Variants in GIN1 observed in about 807,000 individuals in gnomAD.
GIN1 encodes the protein gypsy retrotransposon integrase 1, also known as gypsy retrotransposon integrase-like protein 1.
A neutral mutation model predicts 51.4 loss-of-function variants in GIN1; 41 were observed. That is an observed-to-expected ratio of 0.80 (90% CI 0.62 to 1.04). The LOEUF is 1.04. Among genes scored for constraint, GIN1 ranks in the 50% least tolerant of loss-of-function variants. The pLI is 0.00. For synonymous variants in GIN1, 222 were observed against 206.5 expected (o/e 1.07, Z -0.64); for missense variants, 610 against 612.4 (o/e 1.00, Z 0.04).
rs1366909171 is a variant in GIN1 at position 103,087,986 on chromosome 5, G to C, written c.1481C>G (p.Ser494Cys). 2 of 1,597,306 alleles carry C rather than the reference G, an allele frequency of 1.3e-6. No homozygotes were observed. The highest frequency in any genetic ancestry group is 2.7e-5 in the African/African-American group (2 of 74,560). ...AGAACTATGATCGTCTATCAATGGA[G>C]AGATTTTCGTATTTCTATATTCTAA... is the stretch of plus-strand genomic sequence containing the variant. ...ELLEYRNTKI[S>C]PLIDDHSSLE... Residue 494 changes from serine (S) to cysteine (C), a missense_variant, in exon 8 of 8, where the codon TCT becomes TGT. Physicochemically the swap from Ser to Cys is moderately radical, Grantham distance 112. Coordinates refer to ENST00000399004, the MANE Select transcript of GIN1 (RefSeq NM_017676.2).
chr5:103,114,087 TA>T (rs201056479), intron 1 of GIN1, among the ~76,000 whole-genome samples: 26 of 151,546 alleles, frequency 1.7e-4, no homozygotes, highest in African/African-American at 5.6e-4. Context: ...AATGAACTTT[TA>T]TTGCTATTTC....
intron 7 of GIN1, among the ~76,000 whole-genome samples, chr5:103,094,903 T>C (rs561843354): frequency 3.9e-5 from 6 of 152,322 alleles, no homozygotes; most frequent in African/African-American, 1.4e-4. Flanking sequence ...GATTAGAATG[T>C]AGTTCAAGAT....
rs1305593136 is a variant in GIN1 at position 103,104,655 on chromosome 5, C to A, written c.525G>T (p.Leu175Phe). The A allele has an allele frequency of 3.1e-6, 5 of 1,609,658 alleles. No homozygotes were observed. The African/African-American group carries it at 4.0e-5, about 13-fold the overall frequency. Residue 175 changes from leucine to phenylalanine, a missense_variant, in exon 4 of 8, where the codon TTG becomes TTT. Transcript: ENST00000399004. ...CTGATGCTGAAACATCACATAGAGG[C>A]AAAATCACAATCCATTTGGTGAACA... ...TDLFTKWIVI[L>F]PLCDVSASEV...
intron 7 of GIN1, among the ~76,000 whole-genome samples, chr5:103,090,900 AACACACAC>A (rs3836842): frequency 2.0e-5 from 3 of 148,356 alleles, no homozygotes; most frequent in Non-Finnish European, 4.5e-5. Context: ...GTCACACACG[AACACACAC>A]ACACACACAC....
Position 103,088,854 on chromosome 5 carries a change from T to C in GIN1, c.1295-682A>G, listed in dbSNP as rs188693885. 3.3e-5 allele frequency among the ~76,000 whole-genome samples: 5 copies of C among 152,336 alleles called. No homozygotes were observed. In the East Asian group the frequency reaches 5.8e-4, roughly 18 times the overall value. ...ATCCTTAATATGCTTCTGTAAAGCATTTCTGGGTGAATTAATAGGGTCATA... is the reference window on the plus strand; with the variant it reads ...ATCCTTAATATGCTTCTGTAAAGCACTTCTGGGTGAATTAATAGGGTCATA... On this transcript the variant is annotated intron_variant, in intron 7 of 7. Transcript: ENST00000399004.
chr5:103,091,674 G>GT (rs1554194552), intron 7 of GIN1, among the ~76,000 whole-genome samples: 83 of 152,058 alleles, frequency 5.5e-4, no homozygotes, highest in African/African-American at 2.0e-3. Context: ...TTCTAATGTA[G>GT]GTTTTTTTTT....
chr5:103,098,488 T>TG (rs1309234750), intron 4 of GIN1, among the ~76,000 whole-genome samples: 2 of 152,082 alleles, frequency 1.3e-5, no homozygotes, highest in African/African-American at 4.8e-5. Flanking sequence ...TTTTTTTTGG[T>TG]GGGGGGCGGT....
At chr5:103,119,423 G>T (rs1056783989) in intron 1 of GIN1, among the ~76,000 whole-genome samples, 4 of 152,044 alleles carry the variant, frequency 2.6e-5, no homozygotes, top group Non-Finnish European at 4.4e-5. Context: ...CAAATTCATT[G>T]AACAAAAAAA....
intron 2 of GIN1, among the ~76,000 whole-genome samples, chr5:103,107,375 T>A (rs1306012966): frequency 6.6e-6 from 1 of 152,124 alleles, no homozygotes; most frequent in African/African-American, 2.4e-5. Context: ...GCTTCTTCTA[T>A]ATTTGAGAAG....
chr5:103,096,817 T>A lies in GIN1; in HGVS notation c.1018A>T (p.Asn340Tyr). ...KTTSLGQMENNNLDELNKSKI... is the reference protein window; with the variant it reads ...KTTSLGQMENYNLDELNKSKI... ...CTTTTATTTAGTTCATCCAAATTGT[T>A]GTTCTCCATCTACAAGTGTAAAAAG... Residue 340 changes from asparagine to tyrosine, a missense_variant, in exon 7 of 8, where the codon AAC (asparagine) becomes TAC (tyrosine). Asn to Tyr is a moderately radical substitution (Grantham distance 143). Coordinates refer to ENST00000399004, the MANE Select transcript of GIN1 (RefSeq NM_017676.2). 1 of 1,586,032 alleles carries A rather than the reference T, an allele frequency of 6.3e-7. No individual in the cohort carries two copies. The highest frequency in any genetic ancestry group is 8.6e-7 in the Non-Finnish European group (1 of 1,156,238).
chr5:103,098,960 A>G (rs1306927713), intron 4 of GIN1, among the ~76,000 whole-genome samples: 1 of 152,198 alleles, frequency 6.6e-6, no homozygotes, highest in African/African-American at 2.4e-5. Context: ...AACCCATTAA[A>G]TATAAAATAA....
intron 1 of GIN1, among the ~76,000 whole-genome samples, chr5:103,112,275 G>T (rs1428737062): frequency 6.6e-6 from 1 of 151,834 alleles, no homozygotes; most frequent in Non-Finnish European, 1.5e-5. Flanking sequence ...TTTCACAAGT[G>T]TATTATTTTC....
intron 3 of GIN1, among the ~76,000 whole-genome samples, chr5:103,106,363 C>A (rs34827): frequency 1.3e-5 from 2 of 152,204 alleles, no homozygotes; most frequent in South Asian, 2.1e-4. Context: ...AACATATTCT[C>A]CCCTTAAGAA....
At chr5:103,109,647 TA>T (rs1419005530) in intron 1 of GIN1, among the ~76,000 whole-genome samples, 1 of 152,128 alleles carries the variant, frequency 6.6e-6, no homozygotes, top group African/African-American at 2.4e-5. Context: ...CATCATAACC[TA>T]AAAAACAGGT....
At chr5:103,090,660 T>C (rs1344592786) in intron 7 of GIN1, among the ~76,000 whole-genome samples, 5 of 152,066 alleles carry the variant, frequency 3.3e-5, no homozygotes, top group Admixed American at 6.5e-5. Context: ...TCTGTAAAAG[T>C]TTTTTCATAC....
intron 4 of GIN1, among the ~76,000 whole-genome samples, chr5:103,098,602 G>A (rs1328708383): frequency 1.3e-5 from 2 of 152,054 alleles, no homozygotes; most frequent in East Asian, 1.9e-4. Context: ...TGGACTACAG[G>A]CATGTGTCAC....
intron 7 of GIN1, among the ~76,000 whole-genome samples, chr5:103,089,694 A>C (rs781794838): frequency 1.3e-5 from 2 of 152,182 alleles, no homozygotes; most frequent in African/African-American, 4.8e-5. Flanking sequence ...AGACCAAAAA[A>C]GCAAAAGGAA....
In GIN1 at chr5:103,096,786, A is replaced by G. The variant is rs1554195132; in HGVS notation, c.1049T>C (p.Ile350Thr). 1.9e-6 allele frequency: 3 copies of G among 1,606,830 alleles called. No homozygotes were observed. The Admixed American group carries it at 5.0e-5, about 27-fold the overall frequency. Residue 350 changes from isoleucine (I) to threonine (T), a missense_variant, in exon 7 of 8, where the codon ATC becomes ACC. Coordinates refer to ENST00000399004, the MANE Select transcript of GIN1 (RefSeq NM_017676.2). ...NNLDELNKSK[I>T]IVKKKPKQLN... The stretch of plus-strand genomic sequence containing the variant: ...TTGTTTGGGTTTCTTTTTAACAATG[A>G]TCTTGCTTTTATTTAGTTCATCCAA...
chr5:103,110,201 A>AC (rs781899661), intron 1 of GIN1, among the ~76,000 whole-genome samples: 31 of 68,136 alleles, frequency 4.5e-4, no homozygotes, highest in Admixed American at 2.7e-3. Flanking sequence ...AATAAGACAC[A>AC]AAAAAAAAAC....
Sources: gnomAD v4.1 joint callset for allele counts (sites outside exome capture counted in the v4.1 genomes callset) on GRCh38, gnomAD v4.1.1 for gene constraint, MANE v1.5 for transcripts, NCBI Gene and HGNC (gene_info 2026-07-23, HGNC 2026-07-21) for gene names.